The following BTBD7 variants were observed in gnomAD, a reference collection of about 807,000 sequenced individuals.
BTBD7 encodes the protein BTB/POZ domain-containing protein 7.
BTBD7 carries 38 observed loss-of-function variants against 99.9 expected under a neutral mutation model. The observed-to-expected ratio is 0.38, with a 90% CI of 0.29 to 0.50. BTBD7 has a LOEUF of 0.50. BTBD7 is among the 20% of genes least tolerant of loss of function. BTBD7 has a pLI of 0.93. For synonymous variants in BTBD7, 520 were observed against 511.4 expected, an observed-to-expected ratio of 1.02 and a Z score of -0.23; for missense variants, 1,170 against 1,394.6, an observed-to-expected ratio of 0.84 and a Z score of 2.57.
chr14:93,251,491 A>T lies in BTBD7; in HGVS notation c.1914T>A (p.Pro638=), dbSNP rs2052366771. The change falls in exon 8 of 11, where the codon CCT becomes CCA. Residue 638 remains proline (P), a synonymous_variant. Coordinates refer to ENST00000334746, the MANE Select transcript of BTBD7 (RefSeq NM_001002860.4). ...GAATTTCGTTGGCTACAACTGAAGG[A>T]GGGCTTGACTGGTTGCTGCTGATCT... ...HQQISSNQSS[P]PSVVANEIPV... The T allele has an allele frequency of 1.2e-6, 2 of 1,603,094 alleles. No homozygotes were observed.
At chr14:93,323,109 G>C (rs915978212) in intron 1 of BTBD7, among the ~76,000 whole-genome samples, 6 of 151,920 alleles carry the variant, frequency 3.9e-5, no homozygotes, top group African/African-American at 9.7e-5. Context: ...GGCACAGAAT[G>C]AGTATCCTGT....
intron 1 of BTBD7, among the ~76,000 whole-genome samples, chr14:93,296,643 C>A (rs887045549): frequency 6.6e-6 from 1 of 152,084 alleles, no homozygotes; most frequent in South Asian, 2.1e-4. Flanking sequence ...AATCTTTAAT[C>A]TGTATAATTA....
chr14:93,247,903 G>C (rs1408910768), intron 9 of BTBD7, among the ~76,000 whole-genome samples: 1 of 152,124 alleles, frequency 6.6e-6, no homozygotes, highest in African/African-American at 2.4e-5. Context: ...TCATGCTTGG[G>C]TTTGAACCCT....
chr14:93,248,991 T>A (rs1009446868), intron 8 of BTBD7, among the ~76,000 whole-genome samples: 2 of 152,162 alleles, frequency 1.3e-5, no homozygotes, highest in African/African-American at 2.4e-5. Flanking sequence ...ATTCAAATAA[T>A]TTTTTGAGTC....
At chr14:93,275,565 A>C (rs1341398966) in intron 3 of BTBD7, among the ~76,000 whole-genome samples, 1 of 152,186 alleles carries the variant, frequency 6.6e-6, no homozygotes, top group African/African-American at 2.4e-5. Flanking sequence ...CCATCTGAGA[A>C]AAGCATTGTT....
chr14:93,292,378 T>C lies in BTBD7; in HGVS notation c.1162+1480A>G, dbSNP rs931450380. Among the ~76,000 whole-genome samples, 6 of 152,078 alleles carry C rather than the reference T, an allele frequency of 3.9e-5. 1 individual carries two copies. The highest frequency in any genetic ancestry group is 7.2e-5 in the African/African-American group (3 of 41,432). On this transcript the variant is annotated intron_variant, in intron 3 of 10. Coordinates refer to ENST00000334746, the MANE Select transcript of BTBD7 (RefSeq NM_001002860.4). ...ACAAATTTGGTTTTACAGAAAAAAA[T>C]AGTAGCTTAAACTGCTACTCTATTT...
Position 93,245,826 on chromosome 14 carries a change from A to C in BTBD7, c.2582T>G (p.Val861Gly). 5 of 1,611,156 alleles carry C rather than the reference A, an allele frequency of 3.1e-6. No individual in the cohort carries two copies. Among genetic ancestry groups the C allele is most frequent in the Non-Finnish European group, 4.2e-6 (5 of 1,178,522 alleles). ...AAAAAASEKQ[V>G]RTQPVLNDLM... ...CAAGTTACTGAAGTGTTGACTTACC[A>C]CTTGCTTCTCAGATGCTGCTGCTGC... The change falls in exon 10 of 11, where the codon GTG becomes GGG. Residue 861 changes from valine (V) to glycine (G), a missense_variant and splice_region_variant. Transcript: ENST00000334746.
chr14:93,290,575 T>C (rs1340440265), intron 3 of BTBD7, among the ~76,000 whole-genome samples: 1 of 134,618 alleles, frequency 7.4e-6, no homozygotes, highest in Non-Finnish European at 1.5e-5. Context: ...TGGAGTGGAG[T>C]GGTGCAATCT....
intron 7 of BTBD7, among the ~76,000 whole-genome samples, chr14:93,253,404 C>T (rs1827470197): frequency 6.6e-6 from 1 of 152,106 alleles, no homozygotes; most frequent in South Asian, 2.1e-4. Flanking sequence ...ATTTGCAAGG[C>T]AACTAAAATG....
chr14:93,318,995 T>C (rs537342084), intron 1 of BTBD7, among the ~76,000 whole-genome samples: 5 of 152,302 alleles, frequency 3.3e-5, no homozygotes, highest in South Asian at 2.1e-4. Flanking sequence ...GGTGGGCAGA[T>C]TGCTTCAGCC....
chr14:93,270,953 T>C (rs2052594996), intron 3 of BTBD7, among the ~76,000 whole-genome samples: 2 of 152,358 alleles, frequency 1.3e-5, no homozygotes, highest in South Asian at 4.1e-4. Context: ...ATATTTTCTT[T>C]CTAATCTTTA....
chr14:93,284,644 C>T (rs559377159), intron 3 of BTBD7, among the ~76,000 whole-genome samples: 8 of 152,122 alleles, frequency 5.3e-5, no homozygotes, highest in East Asian at 1.9e-4. Context: ...GGAAATGAGA[C>T]GGGTACCTAG....
rs556272784 is a variant in BTBD7 at position 93,263,803 on chromosome 14, G to C, written c.1353C>G (p.Ile451Met). 1 of 1,614,026 alleles carries C rather than the reference G, an allele frequency of 6.2e-7. No individual in the cohort carries two copies. The highest frequency in any genetic ancestry group is 1.1e-5 in the South Asian group (1 of 91,074). The part of the protein sequence containing the change: ...ELSKDHLLTA[I>M]QSDYLQASEQ... ...TGATTACCTGTAGGTAGTCAGACTG[G>C]ATAGCAGTAAGCAGATGGTCTTTGC... The change falls in exon 4 of 11, where the codon ATC becomes ATG. Residue 451 changes from isoleucine (I) to methionine (M), a missense_variant. Transcript: ENST00000334746.
chr14:93,247,038 T>A (rs542919855), intron 9 of BTBD7, among the ~76,000 whole-genome samples: 10 of 151,760 alleles, frequency 6.6e-5, no homozygotes, highest in African/African-American at 1.9e-4. Context: ...TCATTCATTC[T>A]TTTTTTGAGA....
intron 1 of BTBD7, among the ~76,000 whole-genome samples, chr14:93,329,502 G>T (rs527761931): frequency 6.6e-6 from 1 of 152,172 alleles, no homozygotes; most frequent in African/African-American, 2.4e-5. Context: ...TAACATCCAT[G>T]TTCACAGCAG....
chr14:93,283,709 G>A (rs1444738761), intron 3 of BTBD7, among the ~76,000 whole-genome samples: 2 of 152,042 alleles, frequency 1.3e-5, no homozygotes, highest in Non-Finnish European at 2.9e-5. Context: ...GCGCCACCAT[G>A]CCCGGCTGAT....
At chr14:93,260,001 A>G (rs886480051) in intron 5 of BTBD7, among the ~76,000 whole-genome samples, 8 of 152,208 alleles carry the variant, frequency 5.3e-5, no homozygotes, top group African/African-American at 1.9e-4. Context: ...TTTTAAAAAT[A>G]AAAATAAACA....
rs138673923 is a variant in BTBD7 at position 93,317,074 on chromosome 14, C to T, written c.-107+15746G>A. ...AAGAAAGAGTGCAGTGGTACGATCTCAGCTCATTGCAACCTTTGCCTCTTG... is the reference window on the plus strand; with the variant it reads ...AAGAAAGAGTGCAGTGGTACGATCTTAGCTCATTGCAACCTTTGCCTCTTG... On this transcript the variant is annotated intron_variant, in intron 1 of 10. Transcript: ENST00000334746. Among the ~76,000 whole-genome samples the T allele has an allele frequency of 3.2e-4, 49 of 152,246 alleles. 1 individual carries two copies. The highest frequency in any genetic ancestry group is 1.2e-3 in the African/African-American group (48 of 41,536).
intron 8 of BTBD7, among the ~76,000 whole-genome samples, chr14:93,250,386 T>G (rs1020259029): frequency 1.3e-5 from 2 of 152,206 alleles, no homozygotes; most frequent in African/African-American, 2.4e-5. Flanking sequence ...TCTGCATAAA[T>G]CAGCTAAAGA....
Sources: allele counts gnomAD v4.1 joint callset (sites outside exome capture counted in the v4.1 genomes callset), GRCh38; gene constraint gnomAD v4.1.1; transcripts MANE v1.5; gene names NCBI Gene and HGNC (gene_info 2026-07-23, HGNC 2026-07-21).